The following JADE2 variants were observed in gnomAD, a reference collection of about 807,000 sequenced individuals.
JADE2 encodes the protein jade family PHD finger 2, also known as E3 ubiquitin-protein ligase Jade-2.
In JADE2, 13 loss-of-function variants were observed where a neutral mutation model predicts 85.7. The ratio of observed to expected loss-of-function variants is 0.15; its 90% CI spans 0.10 to 0.24. The LOEUF is 0.24. JADE2 is among the 10% of genes least tolerant of loss of function. The probability of loss-of-function intolerance (pLI) is 1.00; values close to 1 mark genes in which losing one functional copy is unlikely to be tolerated. For missense variants in JADE2, 846 were observed against 1,115.9 expected (o/e 0.76, Z 3.45); for synonymous variants, 440 against 456.1 (o/e 0.96, Z 0.45).
chr5:134,526,352 G>GGGCGGGCGGGGGCGCGCC (rs1760818141), intron 1 of JADE2: 1 of 985,042 alleles, frequency 1.0e-6, no homozygotes, highest in African/African-American at 1.7e-5. Flanking sequence ...GAGGGGGCGC[G>GGGCGGGCGGGGGCGCGCC]GGCGGGCGGG....
At chr5:134,575,273 G>C (rs1291812513) in intron 10 of JADE2, 2 of 152,394 alleles carry the variant, frequency 1.3e-5, no homozygotes, top group African/African-American at 2.4e-5. Context: ...GACATGGGCT[G>C]TGTGCATATC....
chr5:134,549,730 G>T (rs1762498057), intron 3 of JADE2, among the ~76,000 whole-genome samples: 1 of 152,222 alleles, frequency 6.6e-6, no homozygotes, highest in African/African-American at 2.4e-5. Context: ...TGCCTCTTTA[G>T]AGGGCACATA....
intron 1 of JADE2, among the ~76,000 whole-genome samples, chr5:134,534,672 G>C (rs1289359973): frequency 1.3e-5 from 2 of 152,186 alleles, no homozygotes; most frequent in African/African-American, 4.8e-5. Context: ...CTGGAGTTAG[G>C]TGCAGATGGG....
chr5:134,566,013 C>T lies in JADE2; in HGVS notation c.970-103C>T, dbSNP rs1763618610. 2.0e-6 allele frequency: 2 copies of T among 1,005,892 alleles called. No individual in the cohort carries two copies. Among genetic ancestry groups the T allele is most frequent in the Admixed American group, 4.5e-5 (2 of 44,186 alleles). 62.3% of individuals were successfully genotyped at this position (1,005,892 alleles called of 1,614,324 possible). ...CATGCCATTCTGTTTAGGTTCTCTC[C>T]AGCATTGCGCATTCTCAGTAGAGCC... On this transcript the variant is annotated intron_variant, in intron 8 of 11. Coordinates refer to ENST00000681547, the MANE Select transcript of JADE2 (RefSeq NM_001388185.1). The surrounding 1 kb of genome is among the most constrained non-coding windows in gnomAD (Gnocchi z 6.7).
intron 3 of JADE2, among the ~76,000 whole-genome samples, chr5:134,541,532 ATGAAGCCTATGGGGTGGC>A (rs1761960434): frequency 6.6e-6 from 1 of 152,170 alleles, no homozygotes; most frequent in Non-Finnish European, 1.5e-5. Context: ...CCCCTGGAGT[ATGAAGCCTATGGGGTGGC>A]TGTCAGGCTG....
chr5:134,579,368 C>A lies in JADE2; in HGVS notation c.*51C>A. On this transcript the variant is annotated 3_prime_UTR_variant, in exon 12 of 12. Transcript: ENST00000681547. The surrounding 1 kb of genome is among the most constrained non-coding windows in gnomAD (Gnocchi z 4.6). ...CTGCCCTGGTCCCCCCACAAGGCCT[C>A]AGCCCAGTCACAACTGCCATTTCCA... 1 of 1,399,612 alleles carries A rather than the reference C, an allele frequency of 7.1e-7. No individual in the cohort carries two copies. Among genetic ancestry groups the A allele is most frequent in the South Asian group, 1.4e-5 (1 of 72,904 alleles). 86.7% of individuals were successfully genotyped at this position (1,399,612 alleles called of 1,614,324 possible). A position where few individuals can be genotyped will look rare whatever the true frequency, so the allele number is the denominator to read the frequency against.
chr5:134,548,611 A>C (rs1313724808), intron 3 of JADE2, among the ~76,000 whole-genome samples: 1 of 152,140 alleles, frequency 6.6e-6, no homozygotes, highest in Non-Finnish European at 1.5e-5. Context: ...CCAGGATGAA[A>C]CGTGGAACTC....
At chr5:134,549,334 G>C (rs930032087) in intron 3 of JADE2, among the ~76,000 whole-genome samples, 3 of 152,158 alleles carry the variant, frequency 2.0e-5, no homozygotes. Flanking sequence ...GACCAACCTG[G>C]CCAACATGGT....
At chr5:134,565,660 C>T (rs1362226006) in intron 8 of JADE2, among the ~76,000 whole-genome samples, 5 of 152,166 alleles carry the variant, frequency 3.3e-5, no homozygotes, top group Non-Finnish European at 5.9e-5. Context: ...GCCTGGCCAA[C>T]ATGGCGAAAC....
intron 3 of JADE2, among the ~76,000 whole-genome samples, chr5:134,545,368 C>A (rs1039606213): frequency 6.6e-6 from 1 of 151,404 alleles, no homozygotes; most frequent in Non-Finnish European, 1.5e-5. Context: ...GCAGGAAGTG[C>A]TGTTATCCTC....
rs754664917 is a variant in JADE2, at chr5:134,564,624, T to G, written c.969+14T>G. 9 of 1,496,134 alleles carry G rather than the reference T, an allele frequency of 6.0e-6. No individual in the cohort carries two copies. In the African/African-American group the frequency reaches 1.3e-4, roughly 21 times the overall value. The allele number at this position is 1,496,134 out of a possible 1,614,324, so 92.7% of individuals were successfully genotyped here. A position where few individuals can be genotyped will look rare whatever the true frequency, so the allele number is the denominator to read the frequency against. ...ACCTGCATCCAGGTATGTGGCCTAC[T>G]TCACCTCCTGCTGCCAGGAGCTGGC... On this transcript the variant is annotated intron_variant, in intron 8 of 11. Coordinates refer to ENST00000681547, the MANE Select transcript of JADE2 (RefSeq NM_001388185.1).
chr5:134,525,631 C>A, upstream of JADE2: 39 of 227,792 alleles, frequency 1.7e-4, no homozygotes, highest in Non-Finnish European at 2.4e-4. Flanking sequence ...TTTTTTTTTT[C>A]TAAAGAGATC....
At chr5:134,543,968 C>G (rs1229935219) in intron 3 of JADE2, among the ~76,000 whole-genome samples, 1 of 152,178 alleles carries the variant, frequency 6.6e-6, no homozygotes, top group African/African-American at 2.4e-5. Flanking sequence ...CCCGGACTTG[C>G]CGGAGGTGTG....
In JADE2 at chr5:134,557,529, CCT is replaced by C. The variant is rs1341359307; in HGVS notation, c.312-2299_312-2298del. On this transcript the variant is annotated intron_variant, in intron 4 of 11. Transcript: ENST00000681547. ...ATATCTCCCAATGCTATCCCTCCCC[CCT>C]CCCCCGAACCCACCACAGTCCCCAG... 6.9e-4 allele frequency among the ~76,000 whole-genome samples: 73 copies of C among 105,830 alleles called. 1 individual carries two copies. The highest frequency in any genetic ancestry group is 1.1e-3 in the Non-Finnish European group (55 of 50,448). The allele number at this position is 105,830 out of a possible 152,430, so 69.4% of individuals were successfully genotyped here.
chr5:134,553,503 G>A (rs1332983247), intron 4 of JADE2, among the ~76,000 whole-genome samples: 1 of 152,148 alleles, frequency 6.6e-6, no homozygotes, highest in African/African-American at 2.4e-5. Flanking sequence ...ACAGGTGCGT[G>A]CCACCACGCC....
chr5:134,573,524 A>G, intron 9 of JADE2, 121 bp from the exon 10 acceptor site: 1 of 752,672 alleles, frequency 1.3e-6, no homozygotes, highest in Non-Finnish European at 2.4e-6. Context: ...TCTGGGCAGG[A>G]TAGGCTGTGG....
At chr5:134,532,695 A>G (rs1025461410) in intron 1 of JADE2, among the ~76,000 whole-genome samples, 1 of 151,762 alleles carries the variant, frequency 6.6e-6, no homozygotes, top group Non-Finnish European at 1.5e-5. Context: ...AAGCACCTCC[A>G]CCCCCCAAGT....
chr5:134,578,864 A>G lies in JADE2; in HGVS notation c.2052A>G (p.Gln684=), dbSNP rs1764548762. Residue 684 remains glutamine (Q), a synonymous_variant, in exon 12 of 12, where the codon CAA becomes CAG. Coordinates refer to ENST00000681547, the MANE Select transcript of JADE2 (RefSeq NM_001388185.1). The surrounding 1 kb of genome is among the most constrained non-coding windows in gnomAD (Gnocchi z 4.4). ...GQDAGSGKGG[Q]GPPTRKPPRR... ...ATGCAGGCAGTGGCAAGGGGGGTCA[A>G]GGGCCACCTACCAGGAAGCCACCAC... 3.1e-6 allele frequency: 5 copies of G among 1,613,674 alleles called. No homozygotes were observed. The highest frequency in any genetic ancestry group is 1.6e-4 in the Middle Eastern group (1 of 6,084).
chr5:134,539,486 AC>A (rs1275222900), intron 3 of JADE2, among the ~76,000 whole-genome samples: 1 of 152,246 alleles, frequency 6.6e-6, no homozygotes, highest in Non-Finnish European at 1.5e-5. Flanking sequence ...GGCGTGAGCC[AC>A]CGCGCCCGGC....
Sources: allele counts gnomAD v4.1 joint callset (sites outside exome capture counted in the v4.1 genomes callset), GRCh38; gene constraint gnomAD v4.1.1; non-coding constraint Gnocchi (gnomAD v3.1); transcripts MANE v1.5; gene names NCBI Gene and HGNC (gene_info 2026-07-23, HGNC 2026-07-21).